TCF12: variants seen among roughly 807,000 people sequenced by gnomAD.
TCF12 encodes the protein DNA-binding protein HTF4.
TCF12 carries 45 observed loss-of-function variants against 86.0 expected under a neutral mutation model. That is an observed-to-expected ratio of 0.52 (90% CI 0.41 to 0.67). TCF12 has a LOEUF of 0.67. Among genes scored for constraint, TCF12 ranks in the 30% least tolerant of loss-of-function variants. The probability of loss-of-function intolerance (pLI) is 0.00; values close to 1 mark genes in which losing one functional copy is unlikely to be tolerated. For synonymous variants in TCF12, 330 were observed against 299.6 expected (o/e 1.10, Z -1.05); for missense variants, 881 against 859.9 (o/e 1.02, Z -0.31).
chr15:57,123,389 CAG>C (rs1186063222), intron 5 of TCF12, among the ~76,000 whole-genome samples: 51 of 152,178 alleles, frequency 3.4e-4, no homozygotes, highest in Non-Finnish European at 1.0e-4. Context: ...GATACTAACA[CAG>C]AGTTAAATAA....
At chr15:57,266,942 T>C (rs921284425) in intron 18 of TCF12, among the ~76,000 whole-genome samples, 1 of 152,110 alleles carries the variant, frequency 6.6e-6, no homozygotes, top group Non-Finnish European at 1.5e-5. Context: ...GGCAGGAAGA[T>C]TGCTTGAGTT....
intron 6 of TCF12, among the ~76,000 whole-genome samples, chr15:57,178,874 A>G (rs2056140370): frequency 6.6e-6 from 1 of 152,334 alleles, no homozygotes; most frequent in Non-Finnish European, 1.5e-5. Flanking sequence ...CTTATTCCAT[A>G]TTTGTAATTA....
chr15:57,156,352 C>G (rs560968564), intron 5 of TCF12, among the ~76,000 whole-genome samples: 1 of 152,288 alleles, frequency 6.6e-6, no homozygotes, highest in African/African-American at 2.4e-5. Flanking sequence ...GTAAAAAAAA[C>G]TGAGGTCTAG....
chr15:57,136,709 T>A (rs1297712649), intron 5 of TCF12, among the ~76,000 whole-genome samples: 1 of 152,180 alleles, frequency 6.6e-6, no homozygotes, highest in African/African-American at 2.4e-5. Context: ...AAGGTCTCAC[T>A]CTGTCACCCA....
chr15:57,257,696 T>G (rs1157760585), intron 16 of TCF12, among the ~76,000 whole-genome samples: 2 of 147,672 alleles, frequency 1.4e-5, no homozygotes, highest in Non-Finnish European at 3.0e-5. Flanking sequence ...TATATATATA[T>G]ATATATAGTG....
rs2057276373 is a variant in TCF12 at position 57,196,579 on chromosome 15, G to A, written c.527-1194G>A. Among the ~76,000 whole-genome samples, 2 of 152,114 alleles carry A rather than the reference G, an allele frequency of 1.3e-5. 1 individual carries two copies. The highest frequency in any genetic ancestry group is 2.9e-5 in the Non-Finnish European group (2 of 68,030). ...ATTCTGAATTTGATCCATTTTTTGTGTAAACCTGGAACCCTGTGTTTATCA... is the reference window on the plus strand; with the variant it reads ...ATTCTGAATTTGATCCATTTTTTGTATAAACCTGGAACCCTGTGTTTATCA... On this transcript the variant is annotated intron_variant, in intron 7 of 20. Coordinates refer to ENST00000333725, the MANE Select transcript of TCF12 (RefSeq NM_207037.2).
chr15:56,940,248 A>C (rs997222801), intron 3 of TCF12, among the ~76,000 whole-genome samples: 3 of 151,938 alleles, frequency 2.0e-5, no homozygotes, highest in Admixed American at 2.0e-4. Context: ...AGAAGAAGAT[A>C]GTCTTATTTA....
intron 3 of TCF12, among the ~76,000 whole-genome samples, chr15:56,932,683 C>T (rs1296591850): frequency 1.3e-5 from 2 of 151,966 alleles, no homozygotes; most frequent in South Asian, 2.1e-4. Context: ...ATTTTTGTGC[C>T]TCAGCCTTCC....
At chr15:57,231,722 G>T (rs1229678476) in intron 9 of TCF12, among the ~76,000 whole-genome samples, 1 of 152,120 alleles carries the variant, frequency 6.6e-6, no homozygotes, top group Non-Finnish European at 1.5e-5. Context: ...TTGGTCTCCT[G>T]TGGTTTTGGA....
intron 3 of TCF12, among the ~76,000 whole-genome samples, chr15:57,027,160 G>A (rs2065872008): frequency 6.6e-6 from 1 of 152,122 alleles, no homozygotes; most frequent in Non-Finnish European, 1.5e-5. Context: ...TTTGATAGAT[G>A]TATATACTCT....
At chr15:57,117,940 G>A (rs1218766085) in intron 5 of TCF12, among the ~76,000 whole-genome samples, 1 of 152,134 alleles carries the variant, frequency 6.6e-6, no homozygotes, top group Non-Finnish European at 1.5e-5. Context: ...GGGGGGGAAG[G>A]CATATTAAAT....
chr15:57,098,739 C>T (rs2049513260), intron 5 of TCF12, among the ~76,000 whole-genome samples: 2 of 152,168 alleles, frequency 1.3e-5, no homozygotes, highest in African/African-American at 4.8e-5. Context: ...TTATAAGTGA[C>T]AGAACCTAAC....
intron 3 of TCF12, among the ~76,000 whole-genome samples, chr15:56,971,665 A>C (rs2062336191): frequency 6.6e-6 from 1 of 152,180 alleles, no homozygotes; most frequent in African/African-American, 2.4e-5. Flanking sequence ...GTAAGATTTC[A>C]CCATGCTACT....
chr15:56,977,254 C>G (rs967836379), intron 3 of TCF12, among the ~76,000 whole-genome samples: 1 of 151,892 alleles, frequency 6.6e-6, no homozygotes, highest in Non-Finnish European at 1.5e-5. Flanking sequence ...AATAAAAGGC[C>G]AGGTGTGGTG....
chr15:57,093,320 C>T lies in TCF12; in HGVS notation c.325+1429C>T, dbSNP rs184630653. On this transcript the variant is annotated intron_variant, in intron 5 of 20. Transcript: ENST00000333725. ...TATTTCCTTTCGGAGTACAACTTTT[C>T]CCCAAGTAGGATTTAATTTATATTA... is the stretch of plus-strand genomic sequence containing the variant. Among the ~76,000 whole-genome samples the T allele has an allele frequency of 8.0e-4, 122 of 152,250 alleles. 1 individual carries two copies. The highest frequency in any genetic ancestry group is 4.3e-3 in the Admixed American group (66 of 15,290).
intron 16 of TCF12, among the ~76,000 whole-genome samples, chr15:57,255,441 A>G (rs1294507055): frequency 6.6e-6 from 1 of 152,144 alleles, no homozygotes; most frequent in East Asian, 1.9e-4. Context: ...CTTCAGAACA[A>G]CAACAGAAGG....
chr15:57,141,034 C>T (rs971856122), intron 5 of TCF12, among the ~76,000 whole-genome samples: 6 of 152,046 alleles, frequency 3.9e-5, no homozygotes, highest in Non-Finnish European at 1.5e-5. Flanking sequence ...AAAAATCAGT[C>T]TCTATATAAT....
chr15:57,124,963 C>T (rs958780477), intron 5 of TCF12, among the ~76,000 whole-genome samples: 7 of 152,138 alleles, frequency 4.6e-5, no homozygotes, highest in Non-Finnish European at 1.0e-4. Context: ...TGAGCCACCG[C>T]ACCCAGCCAA....
chr15:57,221,373 A>ATG (rs1261320307), intron 8 of TCF12, among the ~76,000 whole-genome samples: 22 of 112,050 alleles, frequency 2.0e-4, no homozygotes, highest in African/African-American at 7.0e-4. Flanking sequence ...GTATGTGGGT[A>ATG]TGTGTGTGGG....
Sources: allele counts gnomAD v4.1 joint callset (sites outside exome capture counted in the v4.1 genomes callset), GRCh38; gene constraint gnomAD v4.1.1; transcripts MANE v1.5; gene names NCBI Gene and HGNC (gene_info 2026-07-23, HGNC 2026-07-21).